Variants in TMEM131L observed in about 807,000 individuals in gnomAD.
The protein encoded by TMEM131L is transmembrane protein 131-like.
TMEM131L carries 54 observed loss-of-function variants against 192.2 expected under a neutral mutation model. The ratio of observed to expected loss-of-function variants is 0.28; its 90% CI spans 0.23 to 0.35. TMEM131L has a LOEUF of 0.35. Among genes scored for constraint, TMEM131L ranks in the 10% least tolerant of loss-of-function variants. The pLI, the probability that TMEM131L is intolerant of heterozygous loss-of-function variation, is 1.00. For missense variants in TMEM131L, 1,888 were observed against 1,972.9 expected, an observed-to-expected ratio of 0.96 and a Z score of 0.82; for synonymous variants, 701 against 704.9, an observed-to-expected ratio of 0.99 and a Z score of 0.09.
intron 3 of TMEM131L, among the ~76,000 whole-genome samples, chr4:153,527,726 T>C (rs918064338): frequency 3.3e-5 from 5 of 152,224 alleles, no homozygotes; most frequent in African/African-American, 1.2e-4. Context: ...TGGGGGTCTT[T>C]CGTGTTTGAG....
rs55764229 is a variant in TMEM131L, at chr4:153,605,509, G to A, written c.3418+1079G>A. On this transcript the variant is annotated intron_variant, in intron 25 of 34. Coordinates refer to ENST00000409959, the MANE Select transcript of TMEM131L (RefSeq NM_001131007.2). ...CAGCCTCCTGAGTAGCTGGGACTAC[G>A]GGCACATGCCATCATGCCCAACTAA... 8.8e-3 allele frequency among the ~76,000 whole-genome samples: 1,333 copies of A among 152,210 alleles called. 5 individuals carry two copies. Among genetic ancestry groups the A allele is most frequent in the African/African-American group, 0.016 (662 of 41,532 alleles).
chr4:153,469,183 A>G (rs1029024420), intron 2 of TMEM131L, among the ~76,000 whole-genome samples: 5 of 152,216 alleles, frequency 3.3e-5, no homozygotes, highest in Non-Finnish European at 5.9e-5. Context: ...TAGCTAAGCT[A>G]TTTTAATCAA....
intron 3 of TMEM131L, among the ~76,000 whole-genome samples, chr4:153,504,203 T>A (rs1036918532): frequency 1.3e-5 from 2 of 150,604 alleles, no homozygotes; most frequent in African/African-American, 4.9e-5. Context: ...CTCCTGACCT[T>A]GTGATCCACC....
intron 7 of TMEM131L, among the ~76,000 whole-genome samples, chr4:153,573,619 G>A (rs543125613): frequency 1.3e-5 from 2 of 152,304 alleles, no homozygotes; most frequent in Admixed American, 6.5e-5. Context: ...CAAACCAAAA[G>A]TTTAGATAGT....
intron 3 of TMEM131L, among the ~76,000 whole-genome samples, chr4:153,536,692 T>G (rs1736355967): frequency 6.6e-6 from 1 of 151,834 alleles, no homozygotes; most frequent in African/African-American, 2.4e-5. Context: ...TCTAGCTATC[T>G]GTCTTGTCTG....
At chr4:153,507,948 G>T (rs535541439) in intron 3 of TMEM131L, among the ~76,000 whole-genome samples, 2 of 152,290 alleles carry the variant, frequency 1.3e-5, no homozygotes, top group African/African-American at 4.8e-5. Flanking sequence ...GTAGTTGGCA[G>T]CTAAGAACGC....
At chr4:153,473,933 GC>G in intron 3 of TMEM131L, 45 bp downstream of exon 3, 1 of 1,406,806 alleles carries the variant, frequency 7.1e-7, no homozygotes, top group Non-Finnish European at 9.8e-7. Context: ...GAATGTCCCT[GC>G]CCACTTTGGG....
At chr4:153,591,234 C>G (rs780955793) in intron 17 of TMEM131L, 40 bp downstream of exon 17, 1 of 1,531,832 alleles carries the variant, frequency 6.5e-7, no homozygotes, top group Non-Finnish European at 8.8e-7. Flanking sequence ...GTCAGTGACT[C>G]CCCAGTGCTT....
chr4:153,577,937 C>A (rs571398245), intron 7 of TMEM131L, among the ~76,000 whole-genome samples: 14 of 152,068 alleles, frequency 9.2e-5, no homozygotes, highest in South Asian at 2.1e-4. Context: ...CTAGGGGAAT[C>A]GATGTGGGAG....
At chr4:153,564,913 C>T (rs1382852435) in intron 7 of TMEM131L, among the ~76,000 whole-genome samples, 3 of 152,210 alleles carry the variant, frequency 2.0e-5, no homozygotes, top group Non-Finnish European at 4.4e-5. Context: ...AGCTTCTACC[C>T]CTCTTTTCTG....
chr4:153,622,475 C>G (rs997226136), intron 28 of TMEM131L, among the ~76,000 whole-genome samples: 1 of 152,176 alleles, frequency 6.6e-6, no homozygotes. Flanking sequence ...GTGTGTGTTG[C>G]TTTTGGTCTT....
At chr4:153,497,907 T>G (rs1733306571) in intron 3 of TMEM131L, among the ~76,000 whole-genome samples, 1 of 149,422 alleles carries the variant, frequency 6.7e-6, no homozygotes, top group Non-Finnish European at 1.5e-5. Flanking sequence ...AAAGAAAAGT[T>G]GAGAGACTTG....
intron 7 of TMEM131L, among the ~76,000 whole-genome samples, chr4:153,576,053 A>C (rs1729917118): frequency 1.3e-5 from 2 of 150,938 alleles, no homozygotes. Flanking sequence ...TCTGCCTCCC[A>C]GGTTCACGCC....
At chr4:153,558,067 A>G (rs1457349311) in intron 6 of TMEM131L, among the ~76,000 whole-genome samples, 191 bp from the exon 7 acceptor site, 1 of 152,244 alleles carries the variant, frequency 6.6e-6, no homozygotes, top group Non-Finnish European at 1.5e-5. Flanking sequence ...CACCGTGCTC[A>G]GCCAGCATTC....
intron 7 of TMEM131L, among the ~76,000 whole-genome samples, chr4:153,561,538 A>T (rs1580217962): frequency 6.6e-6 from 1 of 152,194 alleles, no homozygotes; most frequent in East Asian, 1.9e-4. Context: ...AAGTTTTAGC[A>T]TATGGTGTGA....
chr4:153,623,115 G>A (rs2289319), intron 29 of TMEM131L, 32 bp downstream of exon 29: 779,228 of 1,528,536 alleles, frequency 0.51, 200,604 homozygotes, highest in African/African-American at 0.66. Flanking sequence ...AGGCACTCTC[G>A]GTGGCCCTTC....
At chr4:153,581,685 G>T in intron 9 of TMEM131L, 125 bp downstream of exon 9, 1 of 567,522 alleles carries the variant, frequency 1.8e-6, no homozygotes, top group South Asian at 5.8e-5. Flanking sequence ...ATTATTAAGT[G>T]ATTGTAGTAG....
At chr4:153,590,255 A>G (rs1307020445) in intron 16 of TMEM131L, among the ~76,000 whole-genome samples, 2 of 152,196 alleles carry the variant, frequency 1.3e-5, no homozygotes, top group Admixed American at 1.3e-4. Context: ...CAGTTGTTTT[A>G]TAAAACATTC....
intron 3 of TMEM131L, among the ~76,000 whole-genome samples, chr4:153,497,732 A>G (rs1233909020): frequency 1.3e-5 from 2 of 152,162 alleles, no homozygotes; most frequent in Non-Finnish European, 2.9e-5. Flanking sequence ...CACAGACATG[A>G]GATTAGAAAG....
Sources: gnomAD v4.1 joint callset for allele counts (sites outside exome capture counted in the v4.1 genomes callset) on GRCh38, gnomAD v4.1.1 for gene constraint, MANE v1.5 for transcripts, NCBI Gene and HGNC (gene_info 2026-07-23, HGNC 2026-07-21) for gene names.